Variants in ABLIM2 observed in about 807,000 individuals in gnomAD.
The protein encoded by ABLIM2 is actin-binding LIM protein 2.
A neutral mutation model predicts 97.7 loss-of-function variants in ABLIM2; 53 were observed. The observed-to-expected ratio is 0.54, with a 90% confidence interval of 0.44 to 0.68. ABLIM2 has a LOEUF of 0.68. Among genes scored for constraint, ABLIM2 ranks in the 30% least tolerant of loss-of-function variants. ABLIM2 has a pLI of 0.00. For missense variants in ABLIM2, 835 were observed against 867.2 expected (o/e 0.96, Z 0.47); for synonymous variants, 361 against 345.8 (o/e 1.04, Z -0.49).
chr4:8,121,887 C>A (rs1027782886), intron 1 of ABLIM2, among the ~76,000 whole-genome samples: 2 of 152,168 alleles, frequency 1.3e-5, no homozygotes, highest in Non-Finnish European at 2.9e-5. Flanking sequence ...GCACCTCCAC[C>A]CACAACCCAG....
At chr4:7,991,824 C>T (rs749218978) in intron 17 of ABLIM2, among the ~76,000 whole-genome samples, 12 of 152,136 alleles carry the variant, frequency 7.9e-5, no homozygotes, top group South Asian at 2.1e-4. Flanking sequence ...CTGAAGGAGA[C>T]GGAGAGAACA....
rs147371366 is a variant in ABLIM2, at chr4:8,121,609, C to T, written c.11-14972G>A. 2.4e-3 allele frequency among the ~76,000 whole-genome samples: 362 copies of T among 152,282 alleles called. 3 individuals carry two copies. The highest frequency in any genetic ancestry group is 8.2e-3 in the African/African-American group (339 of 41,556). On this transcript the variant is annotated intron_variant, in intron 1 of 20. Coordinates refer to ENST00000447017, the MANE Select transcript of ABLIM2 (RefSeq NM_001130083.2). ...CTGTGGCCAGGCCAACACCAAGGCT[C>T]GGGTCTGCAGGCTCCCAGCCCAGGG...
rs768663886 is a variant in ABLIM2, at chr4:7,983,255, C to T, written c.1824+9G>A. The T allele has an allele frequency of 1.2e-6, 2 of 1,606,850 alleles. No homozygotes were observed. The highest frequency in any genetic ancestry group is 1.7e-6 in the Non-Finnish European group (2 of 1,177,280). ...AATGAGTCCCCTGCCCCGGCAGTCC[C>T]CCGCTTACCTCCAGTCTCGTCCGGT... On this transcript the variant is annotated intron_variant, in intron 20 of 20. Coordinates refer to ENST00000447017, the MANE Select transcript of ABLIM2 (RefSeq NM_001130083.2).
At chr4:8,119,267 G>A (rs1165913255) in intron 1 of ABLIM2, among the ~76,000 whole-genome samples, 2 of 151,610 alleles carry the variant, frequency 1.3e-5, no homozygotes. Flanking sequence ...GGATCTAGAA[G>A]CCCAAAGGAG....
At chr4:7,973,375 C>T (rs1267500470) in intron 20 of ABLIM2, among the ~76,000 whole-genome samples, 2 of 144,284 alleles carry the variant, frequency 1.4e-5, no homozygotes, top group African/African-American at 5.9e-5. Context: ...GTGGTACATG[C>T]CTGTAGTCCC....
chr4:8,124,026 C>T lies in ABLIM2; in HGVS notation c.11-17389G>A, dbSNP rs1846677616. 1.3e-5 allele frequency among the ~76,000 whole-genome samples: 2 copies of T among 152,184 alleles called. No homozygotes were observed. The highest frequency in any genetic ancestry group is 4.8e-5 in the African/African-American group (2 of 41,436). On this transcript the variant is annotated intron_variant, in intron 1 of 20. Transcript: ENST00000447017. The surrounding 1 kb of genome is among the most constrained non-coding windows in gnomAD (Gnocchi z 6.1). ...CCTGCTTCCCTTTTACTGAGACGAC[C>T]ACTCTTAACAGCTCAGCGGCTGCTC...
rs545835317 is a variant in ABLIM2 at position 7,980,232 on chromosome 4, T to C, written c.1824+3032A>G. Among the ~76,000 whole-genome samples, 15 of 152,250 alleles carry C rather than the reference T, an allele frequency of 9.9e-5. 1 individual carries two copies. In the South Asian group the frequency reaches 3.1e-3, roughly 32 times the overall value. The stretch of plus-strand genomic sequence containing the variant: ...GAGGGGGCGAGTCAGACATGTCTCA[T>C]TCTACCCTCCTCCCTTCGGAATTCA... On this transcript the variant is annotated intron_variant, in intron 20 of 20. Coordinates refer to ENST00000447017, the MANE Select transcript of ABLIM2 (RefSeq NM_001130083.2).
At chr4:8,143,438 C>T (rs888450015) in intron 1 of ABLIM2, among the ~76,000 whole-genome samples, 1 of 152,088 alleles carries the variant, frequency 6.6e-6, no homozygotes, top group Non-Finnish European at 1.5e-5. Flanking sequence ...TGCACCCTAC[C>T]CAGGGCCTAA....
In ABLIM2 at chr4:8,001,964, A is replaced by T. The variant is rs80344180; in HGVS notation, c.1618+6095T>A. On this transcript the variant is annotated intron_variant, in intron 16 of 20. Coordinates refer to ENST00000447017, the MANE Select transcript of ABLIM2 (RefSeq NM_001130083.2). The surrounding 1 kb of genome is among the most constrained non-coding windows in gnomAD (Gnocchi z 4.2). ...TTTTCTTGCTCTCTCTCCTCCCAGCATTTTGCTGAGATGGGGAGATGGGAG... is the reference window on the plus strand; with the variant it reads ...TTTTCTTGCTCTCTCTCCTCCCAGCTTTTTGCTGAGATGGGGAGATGGGAG... Among the ~76,000 whole-genome samples, 1,116 of 152,206 alleles carry T rather than the reference A, an allele frequency of 7.3e-3. 15 individuals are homozygous for T. Among genetic ancestry groups the T allele is most frequent in the African/African-American group, 0.026 (1,069 of 41,510 alleles).
At position 8,097,235 on chromosome 4, in the gene ABLIM2, C is replaced by T. The variant is rs745533921; in HGVS notation, c.202G>A (p.Glu68Lys). The change falls in exon 3 of 21, where the codon GAG (glutamate) becomes AAG (lysine). Residue 68 changes from glutamate to lysine, a missense_variant. Transcript: ENST00000447017. ...AEGGFFVRQG[E>K]YICTLDYQRL... Reference sequence around the variant, plus strand: ...TGGTAGTCCAGCGTGCAGATGTACTCGCCCTGCCGCACGAAGAAGCCGCCC... The same window carrying T: ...TGGTAGTCCAGCGTGCAGATGTACTTGCCCTGCCGCACGAAGAAGCCGCCC... 21 of 1,575,670 alleles carry T rather than the reference C, an allele frequency of 1.3e-5. No individual in the cohort carries two copies. Among genetic ancestry groups the T allele is most frequent in the East Asian group, 9.5e-5 (4 of 42,316 alleles).
rs1162015724 is a variant in ABLIM2, at chr4:8,158,663, C to T, written c.10+17G>A. The T allele has an allele frequency of 4.0e-6, 6 of 1,503,080 alleles. No individual in the cohort carries two copies. Among genetic ancestry groups the T allele is most frequent in the African/African-American group, 1.4e-5 (1 of 69,112 alleles). The allele number at this position is 1,503,080 out of a possible 1,614,324, so 93.1% of individuals were successfully genotyped here. ...CCAGCGCGGGGACCCGTTGGTCCCT[C>T]GGTCCCCAGCACCCACCTGCACTCA... On this transcript the variant is annotated intron_variant, in intron 1 of 20. Coordinates refer to ENST00000447017, the MANE Select transcript of ABLIM2 (RefSeq NM_001130083.2).
intron 1 of ABLIM2, among the ~76,000 whole-genome samples, 166 bp downstream of exon 1, chr4:8,158,514 C>T (rs945661786): frequency 6.6e-6 from 1 of 152,132 alleles, no homozygotes; most frequent in African/African-American, 2.4e-5. Context: ...GGGCAGAGGG[C>T]TGCGCTCTGG....
intron 7 of ABLIM2, among the ~76,000 whole-genome samples, chr4:8,057,002 C>A (rs1178581315): frequency 6.8e-6 from 1 of 146,538 alleles, no homozygotes; most frequent in African/African-American, 2.5e-5. Flanking sequence ...TCAAAACATG[C>A]AACTTTAAGG....
At position 8,149,823 on chromosome 4, in the gene ABLIM2, C is replaced by T. The variant is rs925586957; in HGVS notation, c.10+8857G>A. Among the ~76,000 whole-genome samples, 9 of 152,048 alleles carry T rather than the reference C, an allele frequency of 5.9e-5. No homozygotes were observed. Among genetic ancestry groups the T allele is most frequent in the South Asian group, 2.1e-4 (1 of 4,810 alleles). The stretch of plus-strand genomic sequence containing the variant: ...CACCTCACACTCAGGACTGGCCCTG[C>T]GCCCAGACAGGACGGGGCCTATGGA... On this transcript the variant is annotated intron_variant, in intron 1 of 20. Transcript: ENST00000447017. The surrounding 1 kb of genome is among the most constrained non-coding windows in gnomAD (Gnocchi z 6.4).
At chr4:8,114,901 C>T (rs1045917646) in intron 1 of ABLIM2, among the ~76,000 whole-genome samples, 14 of 152,172 alleles carry the variant, frequency 9.2e-5, no homozygotes, top group Non-Finnish European at 2.1e-4. Flanking sequence ...ACACTCCTCC[C>T]GGGGCCCACC....
rs541344802 is a variant in ABLIM2, at chr4:8,155,295, T to C, written c.10+3385A>G. Among the ~76,000 whole-genome samples the C allele has an allele frequency of 2.6e-5, 4 of 152,352 alleles. No individual in the cohort carries two copies. The South Asian group carries it at 8.3e-4, about 32-fold the overall frequency. On this transcript the variant is annotated intron_variant, in intron 1 of 20. Transcript: ENST00000447017. This position sits in a 1 kb window ranked among gnomAD's most constrained non-coding sequence, Gnocchi z 4.2. Reference sequence around the variant, plus strand: ...TCTGTGGCTACATCATTGCCCATTCTTGGATTAGGTGAAGAAATGTGTCTC... The same window carrying C: ...TCTGTGGCTACATCATTGCCCATTCCTGGATTAGGTGAAGAAATGTGTCTC...
At chr4:8,096,215 G>A in intron 3 of ABLIM2, among the ~76,000 whole-genome samples, 1 of 152,206 alleles carries the variant, frequency 6.6e-6, no homozygotes, top group East Asian at 1.9e-4. Flanking sequence ...TCTGGAAATG[G>A]TTGTTTCATA....
At chr4:8,037,609 G>A (rs928078965) in intron 9 of ABLIM2, among the ~76,000 whole-genome samples, 1 of 151,900 alleles carries the variant, frequency 6.6e-6, no homozygotes, top group Admixed American at 6.6e-5. Flanking sequence ...CCACAAACGT[G>A]CATGCACATC....
At chr4:8,066,899 G>A (rs1808247793) in intron 6 of ABLIM2, among the ~76,000 whole-genome samples, 1 of 152,208 alleles carries the variant, frequency 6.6e-6, no homozygotes, top group Admixed American at 6.5e-5. Flanking sequence ...TACGTTACGT[G>A]AATGTCACCT....
Sources: allele counts gnomAD v4.1 joint callset (sites outside exome capture counted in the v4.1 genomes callset), GRCh38; gene constraint gnomAD v4.1.1; non-coding constraint Gnocchi (gnomAD v3.1); transcripts MANE v1.5; gene names NCBI Gene and HGNC (gene_info 2026-07-23, HGNC 2026-07-21).